The following KCNH5 variants were observed in gnomAD, a reference collection of about 807,000 sequenced individuals.
KCNH5 encodes potassium voltage-gated channel subfamily H member 5.
KCNH5 carries 46 observed loss-of-function variants against 96.1 expected under a neutral mutation model. The ratio of observed to expected loss-of-function variants is 0.48; its 90% CI spans 0.38 to 0.61. The LOEUF (loss-of-function observed/expected upper bound fraction) is 0.61. KCNH5 is among the 20% of genes least tolerant of loss of function. KCNH5 has a pLI of 0.00. For synonymous variants in KCNH5, 439 were observed against 449.8 expected, an observed-to-expected ratio of 0.98 and a Z score of 0.30; for missense variants, 907 against 1,225.8, an observed-to-expected ratio of 0.74 and a Z score of 3.88.
At chr14:62,864,521 T>A (rs772763983) in intron 7 of KCNH5, among the ~76,000 whole-genome samples, 1 of 152,202 alleles carries the variant, frequency 6.6e-6, no homozygotes, top group Admixed American at 6.5e-5. Flanking sequence ...GAACCAAGTA[T>A]GCCCAAAGAA....
intron 1 of KCNH5, among the ~76,000 whole-genome samples, chr14:63,031,427 A>G (rs1891623960): frequency 6.6e-6 from 1 of 152,156 alleles, no homozygotes; most frequent in East Asian, 1.9e-4. Context: ...TAAAGGCAAT[A>G]TAAGAGCATG....
intron 9 of KCNH5, among the ~76,000 whole-genome samples, chr14:62,784,970 C>CAAAATTAACA (rs1258923849): frequency 1.3e-5 from 2 of 152,108 alleles, no homozygotes; most frequent in African/African-American, 2.4e-5. Flanking sequence ...AAAAGCATAG[C>CAAAATTAACA]AAAATTAACA....
chr14:62,708,089 T>C lies in KCNH5; in HGVS notation c.2386A>G (p.Lys796Glu). The C allele has an allele frequency of 6.2e-7, 1 of 1,614,240 alleles. No individual in the cohort carries two copies. The part of the protein sequence containing the change: ...PNGGADQKCL[K>E]VNSPIRMKNG... ...TTCATTCTTATTGGGCTGTTGACTTTGAGACATTTTTGGTCAGCACCGCCG... is the reference window on the plus strand; with the variant it reads ...TTCATTCTTATTGGGCTGTTGACTTCGAGACATTTTTGGTCAGCACCGCCG... The change falls in exon 11 of 11, where the codon AAA (lysine) becomes GAA (glutamate). Residue 796 changes from lysine (K) to glutamate (E), a missense_variant. Physicochemically the swap from Lys to Glu is moderately conservative, Grantham distance 56. This residue lies in a region of KCNH5 where 362 missense variants were observed against 394.4 expected (regional missense o/e 0.92). Transcript: ENST00000322893.
intron 1 of KCNH5, among the ~76,000 whole-genome samples, chr14:63,039,782 C>A (rs991660078): frequency 1.3e-5 from 2 of 152,124 alleles, no homozygotes; most frequent in East Asian, 1.9e-4. Context: ...ATAATACATA[C>A]CTTTTTTCAT....
intron 10 of KCNH5, among the ~76,000 whole-genome samples, chr14:62,747,942 A>G (rs1448837803): frequency 6.6e-6 from 1 of 152,178 alleles, no homozygotes. Context: ...CAAGTGTAGA[A>G]GTGTTTATTT....
chr14:62,921,240 C>T (rs2140108499), intron 7 of KCNH5, among the ~76,000 whole-genome samples: 1 of 152,174 alleles, frequency 6.6e-6, no homozygotes, highest in Non-Finnish European at 1.5e-5. Flanking sequence ...GTTTTTCACT[C>T]TCTTGCTATC....
intron 7 of KCNH5, among the ~76,000 whole-genome samples, chr14:62,939,711 G>A (rs764025194): frequency 3.3e-5 from 5 of 152,090 alleles, no homozygotes; most frequent in Admixed American, 6.6e-5. Flanking sequence ...AGGCCAAGGC[G>A]GGTGGATCAC....
At chr14:62,932,154 T>C (rs1346148487) in intron 7 of KCNH5, among the ~76,000 whole-genome samples, 1 of 152,174 alleles carries the variant, frequency 6.6e-6, no homozygotes, top group African/African-American at 2.4e-5. Flanking sequence ...CCGAGGCATC[T>C]GCATAAAGCC....
intron 7 of KCNH5, among the ~76,000 whole-genome samples, chr14:62,862,132 C>T (rs997384770): frequency 6.6e-6 from 1 of 152,136 alleles, no homozygotes; most frequent in Non-Finnish European, 1.5e-5. Flanking sequence ...CAGAATATAA[C>T]TTACATCACT....
At chr14:62,761,224 G>A (rs912056246) in intron 10 of KCNH5, among the ~76,000 whole-genome samples, 18 of 151,020 alleles carry the variant, frequency 1.2e-4, no homozygotes, top group Admixed American at 8.5e-4. Context: ...GTGTGGTGGC[G>A]GGCGCTTGTA....
chr14:62,976,402 CAAA>C (rs58791042), intron 6 of KCNH5, among the ~76,000 whole-genome samples: 13 of 85,300 alleles, frequency 1.5e-4, no homozygotes, highest in African/African-American at 4.0e-4. Flanking sequence ...GACTCCATGT[CAAA>C]AAAAAAAAAA....
chr14:62,790,252 C>T, intron 9 of KCNH5, among the ~76,000 whole-genome samples: 1 of 151,740 alleles, frequency 6.6e-6, no homozygotes, highest in Non-Finnish European at 1.5e-5. Context: ...TTCTGTTCTA[C>T]TGCTCCGTGT....
intron 8 of KCNH5, among the ~76,000 whole-genome samples, chr14:62,825,440 A>T (rs1251895893): frequency 6.6e-6 from 1 of 151,650 alleles, no homozygotes; most frequent in Non-Finnish European, 1.5e-5. Context: ...CCTTCTTTTG[A>T]GAAATCTCTT....
chr14:62,902,823 G>A (rs551936649), intron 7 of KCNH5, among the ~76,000 whole-genome samples: 65 of 151,594 alleles, frequency 4.3e-4, no homozygotes, highest in African/African-American at 8.0e-4. Context: ...GGGTTCAAGC[G>A]ATTCTCCCAC....
In KCNH5 at chr14:62,830,500, G is replaced by C. The variant is rs1595643733; in HGVS notation, c.1569+19153C>G. On this transcript the variant is annotated intron_variant, in intron 8 of 10. Transcript: ENST00000322893. ...AACATACAGTCATGGCAAAGGGGAA[G>C]GTGAAGCAACGACCTTATTCACATG... Among the ~76,000 whole-genome samples, 8 of 152,294 alleles carry C rather than the reference G, an allele frequency of 5.3e-5. No homozygotes were observed. In the South Asian group the frequency reaches 1.7e-3, roughly 32 times the overall value.
chr14:62,861,945 C>T (rs1487132214), intron 7 of KCNH5, among the ~76,000 whole-genome samples: 1 of 152,046 alleles, frequency 6.6e-6, no homozygotes, highest in Non-Finnish European at 1.5e-5. Flanking sequence ...TAAGAAAATA[C>T]AACAAGTCCT....
At chr14:62,804,544 T>C (rs549874878) in intron 8 of KCNH5, among the ~76,000 whole-genome samples, 3 of 151,898 alleles carry the variant, frequency 2.0e-5, no homozygotes, top group Non-Finnish European at 4.4e-5. Context: ...TGCAATACAA[T>C]GAAAAAAGTG....
intron 8 of KCNH5, among the ~76,000 whole-genome samples, chr14:62,838,126 G>A (rs540884676): frequency 5.9e-5 from 9 of 152,194 alleles, no homozygotes; most frequent in Admixed American, 4.6e-4. Flanking sequence ...TAACTCTTTC[G>A]AAACATGCAT....
At chr14:62,986,192 A>G (rs1463791481) in intron 5 of KCNH5, among the ~76,000 whole-genome samples, 1 of 152,092 alleles carries the variant, frequency 6.6e-6, no homozygotes, top group Non-Finnish European at 1.5e-5. Flanking sequence ...GTTTTTAATC[A>G]TTTTGTGCCT....
Sources: gnomAD v4.1 joint callset for allele counts (sites outside exome capture counted in the v4.1 genomes callset) on GRCh38, gnomAD v4.1.1 for gene constraint, gnomAD v4.1.1 regional missense constraint, MANE v1.5 for transcripts, NCBI Gene and HGNC (gene_info 2026-07-23, HGNC 2026-07-21) for gene names.